The following DIAPH2 variants were observed in gnomAD, a reference collection of about 807,000 sequenced individuals.
DIAPH2 encodes diaphanous related formin 2, also known as protein diaphanous homolog 2.
Under a neutral mutation model 92.7 loss-of-function variants are expected in DIAPH2, and 35 were observed. The ratio of observed to expected loss-of-function variants is 0.38; its 90% confidence interval spans 0.29 to 0.50. The LOEUF (loss-of-function observed/expected upper bound fraction) is 0.50. DIAPH2 is among the 20% of genes least tolerant of loss of function. The pLI, the probability that DIAPH2 is intolerant of heterozygous loss-of-function variation, is 0.94. For synonymous variants in DIAPH2, 301 were observed against 280.4 expected, an observed-to-expected ratio of 1.07 and a Z score of -0.73; for missense variants, 701 against 819.5, an observed-to-expected ratio of 0.86 and a Z score of 1.77.
intron 26 of DIAPH2, among the ~76,000 whole-genome samples, chrX:97,531,602 A>G (rs2071060734): frequency 8.9e-6 from 1 of 112,282 alleles, no homozygotes; most frequent in African/African-American, 3.2e-5. Context: ...TGTTATGTGC[A>G]CATATCTGTG....
intron 23 of DIAPH2, among the ~76,000 whole-genome samples, chrX:97,249,247 G>A (rs755214653): frequency 2.7e-5 from 3 of 111,164 alleles, no homozygotes; most frequent in Non-Finnish European, 5.7e-5. Context: ...TTGAGTCTTT[G>A]TTGCTCATTT....
At chrX:96,806,775 C>T (rs748933716) in intron 4 of DIAPH2, among the ~76,000 whole-genome samples, 3 of 100,663 alleles carry the variant, frequency 3.0e-5, no homozygotes, top group African/African-American at 7.3e-5. Context: ...GAGTCTCGCT[C>T]GGTCATCCAG....
At chrX:97,341,170 A>G (rs956226359) in intron 23 of DIAPH2, 2 of 108,258 alleles carry the variant, frequency 1.8e-5, no homozygotes, top group Non-Finnish European at 3.8e-5. Flanking sequence ...ACTAAGGTCC[A>G]CATTAACATG....
intron 25 of DIAPH2, among the ~76,000 whole-genome samples, chrX:97,414,435 G>A (rs1267245360): frequency 1.8e-5 from 2 of 111,001 alleles, no homozygotes; most frequent in African/African-American, 6.6e-5. Context: ...TGGATCACGA[G>A]TTCAGGAGAT....
chrX:97,019,239 G>A (rs1437921225), intron 17 of DIAPH2, among the ~76,000 whole-genome samples: 1 of 111,594 alleles, frequency 9.0e-6, no homozygotes, highest in Non-Finnish European at 1.9e-5. Flanking sequence ...ATACTAAGGA[G>A]TATGACTGCT....
chrX:96,990,355 C>T (rs2066061201), intron 17 of DIAPH2, among the ~76,000 whole-genome samples: 1 of 111,884 alleles, frequency 8.9e-6, no homozygotes, highest in South Asian at 3.7e-4. Context: ...GACACGGGTT[C>T]TACTTGTCAA....
At chrX:97,210,524 C>T (rs775306069) in intron 22 of DIAPH2, among the ~76,000 whole-genome samples, 1 of 111,941 alleles carries the variant, frequency 8.9e-6, no homozygotes, top group East Asian at 2.8e-4. Flanking sequence ...TTTTCCCTGG[C>T]TTTGTTCATT....
intron 4 of DIAPH2, among the ~76,000 whole-genome samples, chrX:96,769,505 A>G (rs1325520304): frequency 8.9e-6 from 1 of 111,952 alleles, no homozygotes; most frequent in Admixed American, 9.5e-5. Context: ...TTCTAATAAC[A>G]TTTACCTGCT....
intron 17 of DIAPH2, among the ~76,000 whole-genome samples, chrX:97,003,427 T>C (rs2066158481): frequency 8.9e-6 from 1 of 112,069 alleles, no homozygotes; most frequent in African/African-American, 3.2e-5. Flanking sequence ...AACAACAATA[T>C]ACAAGGCTTC....
chrX:97,310,747 G>A (rs1175123645), intron 23 of DIAPH2, among the ~76,000 whole-genome samples: 1 of 111,593 alleles, frequency 9.0e-6, no homozygotes, highest in African/African-American at 3.3e-5. Flanking sequence ...GGTGGCTCGC[G>A]ACTGTAATCT....
chrX:97,509,452 T>A (rs369408769), intron 26 of DIAPH2, among the ~76,000 whole-genome samples: 20 of 97,325 alleles, frequency 2.1e-4, no homozygotes, highest in Non-Finnish European at 3.6e-4. Context: ...TTTTTTTTTT[T>A]AAATTGGCAT....
At chrX:97,547,769 A>G (rs767325074) in intron 26 of DIAPH2, among the ~76,000 whole-genome samples, 27 of 112,333 alleles carry the variant, frequency 2.4e-4, no homozygotes, top group African/African-American at 8.7e-4. Flanking sequence ...TTTTTGCAGA[A>G]TAAGTATGAT....
At chrX:97,074,148 T>C (rs923537296) in intron 18 of DIAPH2, among the ~76,000 whole-genome samples, 2 of 112,286 alleles carry the variant, frequency 1.8e-5, no homozygotes, top group Non-Finnish European at 3.8e-5. Flanking sequence ...GGCTCACGCC[T>C]ATAATCTCAG....
intron 22 of DIAPH2, among the ~76,000 whole-genome samples, chrX:97,194,813 C>G (rs1051639904): frequency 1.3e-4 from 14 of 111,840 alleles, no homozygotes; most frequent in Admixed American, 8.5e-4. Flanking sequence ...AGAAAGAGCC[C>G]ACATTATTAG....
At chrX:96,930,967 T>G in intron 10 of DIAPH2, 124 bp downstream of exon 10, 5 of 743,009 alleles carry the variant, frequency 6.7e-6, no homozygotes, top group Non-Finnish European at 9.1e-6. Context: ...CATTAGACAT[T>G]TTGTAAGCTT....
chrX:96,726,999 T>C (rs1005177355), intron 1 of DIAPH2, among the ~76,000 whole-genome samples: 7 of 112,113 alleles, frequency 6.2e-5, no homozygotes, highest in Admixed American at 3.8e-4. Flanking sequence ...ATAACCCTTT[T>C]CTGAAATTCT....
chrX:97,476,122 G>A (rs1264273332), intron 26 of DIAPH2, among the ~76,000 whole-genome samples: 4 of 111,846 alleles, frequency 3.6e-5, no homozygotes, highest in Non-Finnish European at 7.5e-5. Flanking sequence ...TCATTAATTT[G>A]GGTCTATTTA....
intron 17 of DIAPH2, among the ~76,000 whole-genome samples, chrX:97,059,876 C>T (rs2066585204): frequency 9.0e-6 from 1 of 111,254 alleles, no homozygotes; most frequent in African/African-American, 3.3e-5. Flanking sequence ...GCTGTTCAAA[C>T]CTATGATGTT....
chrX:97,063,501 C>T (rs893999669), intron 17 of DIAPH2, among the ~76,000 whole-genome samples: 1 of 111,485 alleles, frequency 9.0e-6, no homozygotes, highest in African/African-American at 3.3e-5. Flanking sequence ...TAAAGTTGAG[C>T]TGCGTTTTCA....
Sources: allele counts gnomAD v4.1 joint callset (sites outside exome capture counted in the v4.1 genomes callset), GRCh38; gene constraint gnomAD v4.1.1; transcripts MANE v1.5; gene names NCBI Gene and HGNC (gene_info 2026-07-23, HGNC 2026-07-21).